The following SHTN1 variants were observed in gnomAD, a reference collection of about 807,000 sequenced individuals.
The protein encoded by SHTN1 is shootin-1.
In SHTN1, 42 loss-of-function variants were observed where a neutral mutation model predicts 83.1. The observed-to-expected ratio is 0.51, with a 90% CI of 0.39 to 0.65. The LOEUF (loss-of-function observed/expected upper bound fraction) is 0.65, where lower values mean the gene tolerates loss of function less well. SHTN1 is among the 30% of genes least tolerant of loss of function. SHTN1 has a pLI of 0.00. For synonymous variants in SHTN1, 224 were observed against 247.7 expected, an observed-to-expected ratio of 0.90 and a Z score of 0.90; for missense variants, 622 against 737.8, an observed-to-expected ratio of 0.84 and a Z score of 1.82.
chr10:116,989,938 T>C (rs1851359785), intron 1 of SHTN1, among the ~76,000 whole-genome samples: 2 of 152,196 alleles, frequency 1.3e-5, no homozygotes, highest in South Asian at 4.1e-4. Context: ...TTTGGCATAG[T>C]TGGCAGGAAA....
At chr10:117,056,463 T>C (rs1852827322) in intron 1 of SHTN1, among the ~76,000 whole-genome samples, 2 of 152,304 alleles carry the variant, frequency 1.3e-5, no homozygotes, top group Admixed American at 6.5e-5. Flanking sequence ...AGAAAATTCA[T>C]GGGATTGATT....
At chr10:117,107,929 G>A (rs1158473161) in intron 1 of SHTN1, among the ~76,000 whole-genome samples, 3 of 152,070 alleles carry the variant, frequency 2.0e-5, no homozygotes, top group Non-Finnish European at 2.9e-5. Flanking sequence ...GGACTCAAGC[G>A]ATCCTCCCAC....
chr10:116,892,095 G>C (rs1253285008), intron 16 of SHTN1, among the ~76,000 whole-genome samples: 1 of 152,180 alleles, frequency 6.6e-6, no homozygotes. Flanking sequence ...GCTGGGCAAA[G>C]ATCTATGTCT....
chr10:116,947,277 G>A (rs1452420657), intron 7 of SHTN1, among the ~76,000 whole-genome samples: 4 of 152,176 alleles, frequency 2.6e-5, no homozygotes, highest in Non-Finnish European at 4.4e-5. Context: ...TGGGCAGACA[G>A]CACACTGTCC....
At chr10:117,090,158 A>T (rs1467573733) in intron 1 of SHTN1, among the ~76,000 whole-genome samples, 1 of 152,216 alleles carries the variant, frequency 6.6e-6, no homozygotes, top group Non-Finnish European at 1.5e-5. Flanking sequence ...GAAAGAAGCA[A>T]CCCAAATGTC....
At chr10:117,041,108 C>T (rs1852577956) in intron 2 of SHTN1, among the ~76,000 whole-genome samples, 1 of 151,946 alleles carries the variant, frequency 6.6e-6, no homozygotes, top group Non-Finnish European at 1.5e-5. Context: ...CCCCGCCACC[C>T]CACAACAGGC....
chr10:117,020,749 G>A (rs76916288), intron 2 of SHTN1, among the ~76,000 whole-genome samples: 3,376 of 152,026 alleles, frequency 0.022, 128 homozygotes, highest in East Asian at 0.12. Flanking sequence ...CTCAACCTGA[G>A]GGAAGCAAAA....
intron 8 of SHTN1, among the ~76,000 whole-genome samples, chr10:116,942,323 G>A (rs992751313): frequency 2.6e-5 from 4 of 151,218 alleles, no homozygotes; most frequent in African/African-American, 7.3e-5. Context: ...AGTGATTCTC[G>A]TGCCTCAGCC....
chr10:117,069,068 AGAGGAACAG>A (rs1224751544), intron 1 of SHTN1, among the ~76,000 whole-genome samples: 10 of 152,188 alleles, frequency 6.6e-5, no homozygotes, highest in Admixed American at 5.2e-4. Context: ...AGGAAAAAGC[AGAGGAACAG>A]GAGTCACTGA....
intron 4 of SHTN1, among the ~76,000 whole-genome samples, chr10:116,958,781 G>T (rs569599376): frequency 4.1e-4 from 63 of 152,296 alleles, no homozygotes; most frequent in African/African-American, 1.5e-3. Flanking sequence ...AGTCCATCAT[G>T]TCATTTAAGA....
upstream of SHTN1, among the ~76,000 whole-genome samples, chr10:117,007,521 C>T (rs182365723): frequency 2.9e-3 from 399 of 136,296 alleles, 6 homozygotes; most frequent in Admixed American, 0.019. Flanking sequence ...TGCCACTGCA[C>T]TGCAGCCTGG....
intron 7 of SHTN1, among the ~76,000 whole-genome samples, chr10:116,948,074 A>G (rs1348576475): frequency 6.6e-6 from 1 of 152,224 alleles, no homozygotes; most frequent in African/African-American, 2.4e-5. Context: ...AGAGTGACTG[A>G]GGGAAAAAGA....
At chr10:117,088,044 G>A (rs1348726601) in intron 1 of SHTN1, among the ~76,000 whole-genome samples, 1 of 152,192 alleles carries the variant, frequency 6.6e-6, no homozygotes, top group South Asian at 2.1e-4. Context: ...AACAGGTCAA[G>A]TGTTAGAGAT....
chr10:116,907,586 C>CA (rs1848022719), intron 14 of SHTN1, among the ~76,000 whole-genome samples: 1 of 152,146 alleles, frequency 6.6e-6, no homozygotes, highest in African/African-American at 2.4e-5. Context: ...AGTGTTTGTA[C>CA]AGAACACTGG....
At chr10:117,113,964 T>G (rs925006803) in intron 1 of SHTN1, among the ~76,000 whole-genome samples, 1 of 152,086 alleles carries the variant, frequency 6.6e-6, no homozygotes, top group Non-Finnish European at 1.5e-5. Flanking sequence ...AGAGAATAAC[T>G]TGAACCCGGG....
intron 2 of SHTN1, among the ~76,000 whole-genome samples, chr10:117,038,885 T>C (rs548950132): frequency 1.1e-4 from 16 of 152,336 alleles, no homozygotes; most frequent in African/African-American, 3.6e-4. Context: ...CTGTCATTCA[T>C]TGATGGTGAG....
At chr10:116,960,819 G>T (rs1029400873) in intron 3 of SHTN1, among the ~76,000 whole-genome samples, 29 of 152,244 alleles carry the variant, frequency 1.9e-4, no homozygotes, top group Middle Eastern at 3.4e-3. Context: ...GTACTATATG[G>T]TTATAAAGCA....
rs531280492 is a variant in SHTN1, at chr10:116,949,412, G to T, written c.535-415C>A. Among the ~76,000 whole-genome samples the T allele has an allele frequency of 1.3e-3, 198 of 152,208 alleles. 1 individual carries two copies. Among genetic ancestry groups the T allele is most frequent in the Non-Finnish European group, 6.8e-4 (46 of 68,024 alleles). On this transcript the variant is annotated intron_variant, in intron 6 of 16. Coordinates refer to ENST00000355371, the MANE Select transcript of SHTN1 (RefSeq NM_001127211.3). ...CCCGAAGTGCTGGGATTACAGGCGT[G>T]AGCCACCATACCCAGCCATGATTCA... is the stretch of plus-strand genomic sequence containing the variant.
chr10:116,978,417 G>A (rs1850886396), intron 2 of SHTN1, among the ~76,000 whole-genome samples: 1 of 151,934 alleles, frequency 6.6e-6, no homozygotes, highest in African/African-American at 2.4e-5. Flanking sequence ...TTTTTGGTCA[G>A]GGATATTATG....
Sources: allele counts gnomAD v4.1 joint callset (sites outside exome capture counted in the v4.1 genomes callset), GRCh38; gene constraint gnomAD v4.1.1; transcripts MANE v1.5; gene names NCBI Gene and HGNC (gene_info 2026-07-23, HGNC 2026-07-21).